The following SLC45A4 variants were observed in gnomAD, a reference collection of about 807,000 sequenced individuals.
SLC45A4 encodes the protein solute carrier family 45 member 4, also known as polyamine-transporter SLC45A4.
In SLC45A4, 32 loss-of-function variants were observed where a neutral mutation model predicts 63.7. The ratio of observed to expected loss-of-function variants is 0.50; its 90% CI spans 0.38 to 0.67. The LOEUF (loss-of-function observed/expected upper bound fraction) is 0.67, where lower values mean the gene tolerates loss of function less well. SLC45A4 is among the 30% of genes least tolerant of loss of function. The pLI, the probability that SLC45A4 is intolerant of heterozygous loss-of-function variation, is 0.00. For synonymous variants in SLC45A4, 535 were observed against 510.0 expected (o/e 1.05, Z -0.66); for missense variants, 1,027 against 1,157.7 (o/e 0.89, Z 1.64).
At position 141,244,726 on chromosome 8, in the gene SLC45A4, G is replaced by A. The variant is rs184593945; in HGVS notation, c.241+9263C>T. On this transcript the variant is annotated intron_variant, in intron 2 of 8. Transcript: ENST00000517878. ...TCAAATCCAAGATGCCACCATTTTC[G>A]AAAGCACTGCTCTCTCAAACATACT... is the stretch of plus-strand genomic sequence containing the variant. Among the ~76,000 whole-genome samples the A allele has an allele frequency of 2.0e-3, 310 of 152,222 alleles. 1 individual carries two copies. The highest frequency in any genetic ancestry group is 3.6e-3 in the Non-Finnish European group (242 of 67,996).
At position 141,212,550 on chromosome 8, in the gene SLC45A4, G is replaced by A. The variant is rs1197534374; in HGVS notation, c.1948C>T (p.His650Tyr). Residue 650 changes from histidine (H) to tyrosine (Y), a missense_variant, in exon 8 of 9, where the codon CAC becomes TAC. Coordinates refer to ENST00000517878, the MANE Select transcript of SLC45A4 (RefSeq NM_001286646.2). ...GQYHDIKQYI[H>Y]HSPGNSKRGF... ...CGCTTGGAGTTCCCGGGGCTGTGGT[G>A]GATGTACTGCAAGAGAGGAAACACG... 2 of 1,602,864 alleles carry A rather than the reference G, an allele frequency of 1.2e-6. No individual in the cohort carries two copies. The highest frequency in any genetic ancestry group is 1.7e-4 in the Middle Eastern group (1 of 6,048).
chr8:141,306,573 T>C (rs189632514), intron 1 of SLC45A4, among the ~76,000 whole-genome samples: 1 of 152,334 alleles, frequency 6.6e-6, no homozygotes, highest in Non-Finnish European at 1.5e-5. Flanking sequence ...TTAAGGACAG[T>C]GTGTGTTACC....
chr8:141,266,363 C>T (rs539161368), intron 1 of SLC45A4, among the ~76,000 whole-genome samples: 23 of 152,306 alleles, frequency 1.5e-4, no homozygotes, highest in African/African-American at 5.1e-4. Flanking sequence ...CACCCACCAC[C>T]CAGAAACAGG....
In SLC45A4 at chr8:141,208,134, G is replaced by A. The variant is rs1172630711; in HGVS notation, c.*3438C>T. 1.3e-5 allele frequency: 2 copies of A among 152,268 alleles called. No homozygotes were observed. The highest frequency in any genetic ancestry group is 2.4e-5 in the African/African-American group (1 of 41,458). 9.4% of individuals were successfully genotyped at this position (152,268 alleles called of 1,614,324 possible). ...TAAGAAGCGAAACAGCGTGGGAAAAGGTGTCCATCTTTTCTGAAGCCGGTT... is the reference window on the plus strand; with the variant it reads ...TAAGAAGCGAAACAGCGTGGGAAAAAGTGTCCATCTTTTCTGAAGCCGGTT... On this transcript the variant is annotated 3_prime_UTR_variant, in exon 9 of 9. Coordinates refer to ENST00000517878, the MANE Select transcript of SLC45A4 (RefSeq NM_001286646.2).
intron 1 of SLC45A4, among the ~76,000 whole-genome samples, chr8:141,301,271 G>A (rs983743824): frequency 7.9e-5 from 12 of 152,060 alleles, no homozygotes; most frequent in East Asian, 1.9e-4. Context: ...ACCTCCTTCC[G>A]GTGTATTTTG....
chr8:141,227,990 T>C lies in SLC45A4; in HGVS notation c.242-6225A>G, dbSNP rs967301422. Among the ~76,000 whole-genome samples, 8 of 152,120 alleles carry C rather than the reference T, an allele frequency of 5.3e-5. No individual in the cohort carries two copies. Among genetic ancestry groups the C allele is most frequent in the African/African-American group, 1.9e-4 (8 of 41,416 alleles). On this transcript the variant is annotated intron_variant, in intron 2 of 8. Transcript: ENST00000517878. This position sits in a 1 kb window ranked among gnomAD's most constrained non-coding sequence, Gnocchi z 4.4. ...AATAAGTTCCCGGGCTTTGGCCTTT[T>C]GTAGGAGAGGAGGAATTGAAACTTG...
intron 2 of SLC45A4, among the ~76,000 whole-genome samples, chr8:141,244,968 G>GGGGGGGGGGGGGGGGGGGGGGC (rs1569558620): frequency 8.3e-5 from 6 of 71,926 alleles, no homozygotes; most frequent in Admixed American, 1.3e-4. Context: ...GGGGGGGGGG[G>GGGGGGGGGGGGGGGGGGGGGGC]GCGGTGTGGA....
chr8:141,214,349 G>A (rs1445196703), intron 7 of SLC45A4, among the ~76,000 whole-genome samples: 1 of 152,178 alleles, frequency 6.6e-6, no homozygotes, highest in East Asian at 1.9e-4. Context: ...GAAGGATCAG[G>A]AAGGAGAAAA....
chr8:141,241,020 C>T (rs562127154), intron 2 of SLC45A4, among the ~76,000 whole-genome samples: 40 of 152,364 alleles, frequency 2.6e-4, no homozygotes, highest in Non-Finnish European at 3.5e-4. Context: ...CCGCTCTCCC[C>T]GCTTTGGGGC....
In SLC45A4 at chr8:141,211,355, G is replaced by A. The variant is rs1299669308; in HGVS notation, c.*217C>T. 8 of 1,423,326 alleles carry A rather than the reference G, an allele frequency of 5.6e-6. No homozygotes were observed. The highest frequency in any genetic ancestry group is 2.9e-5 in the African/African-American group (2 of 69,556). The allele number at this position is 1,423,326 out of a possible 1,614,324, so 88.2% of individuals were successfully genotyped here. ...GGCGCAGACACACTCACACGCGCAC[G>A]CAGGAGCTCGTCTGGAGCTCACGCT... On this transcript the variant is annotated 3_prime_UTR_variant, in exon 9 of 9. Transcript: ENST00000517878.
At chr8:141,230,115 G>T (rs570925097) in intron 2 of SLC45A4, 287 of 456,286 alleles carry the variant, frequency 6.3e-4, no homozygotes, top group Middle Eastern at 2.3e-3. Flanking sequence ...GGCCGCATTA[G>T]ACTATTTTCC....
chr8:141,226,393 GC>G (rs1325408163), intron 2 of SLC45A4: 1 of 152,228 alleles, frequency 6.6e-6, no homozygotes, highest in Non-Finnish European at 1.5e-5. Flanking sequence ...AAGGTGCCCT[GC>G]CCCACGTGCT....
intron 2 of SLC45A4, among the ~76,000 whole-genome samples, chr8:141,238,825 C>T (rs758161479): frequency 1.3e-4 from 20 of 152,196 alleles, no homozygotes; most frequent in Non-Finnish European, 2.5e-4. Context: ...GGGGCCGGCG[C>T]GGGGCAGAGC....
intron 2 of SLC45A4, among the ~76,000 whole-genome samples, chr8:141,251,136 A>G (rs1171290776): frequency 1.3e-5 from 2 of 152,166 alleles, no homozygotes; most frequent in Non-Finnish European, 2.9e-5. Flanking sequence ...ATGGTGCCCA[A>G]TTGGTAATTC....
intron 1 of SLC45A4, among the ~76,000 whole-genome samples, chr8:141,261,138 C>T (rs1829024782): frequency 6.6e-6 from 1 of 152,184 alleles, no homozygotes; most frequent in South Asian, 2.1e-4. Flanking sequence ...ATGATTATCT[C>T]AATAGACGCA....
intron 1 of SLC45A4, among the ~76,000 whole-genome samples, chr8:141,302,245 T>C (rs1282948022): frequency 6.6e-6 from 1 of 152,190 alleles, no homozygotes; most frequent in Non-Finnish European, 1.5e-5. Context: ...AATGTGTCTA[T>C]AGTTTTTCAA....
At chr8:141,216,004 G>A (rs757415020) in intron 6 of SLC45A4, 34 bp from the exon 7 acceptor site, 1 of 1,589,030 alleles carries the variant, frequency 6.3e-7, no homozygotes, top group Non-Finnish European at 8.6e-7. Context: ...AGGACAGTGG[G>A]CAGGCGGCTG....
In SLC45A4 at chr8:141,210,787, C is replaced by CT. The variant is rs1384207969; in HGVS notation, c.*784dup. On this transcript the variant is annotated 3_prime_UTR_variant, in exon 9 of 9. Transcript: ENST00000517878. ...AAAAGTATTAATTACAATTGTCTGA[C>CT]TTTATCTGTGTGATGTGCGGGGCCT... 6 of 152,198 alleles carry CT rather than the reference C, an allele frequency of 3.9e-5. No individual in the cohort carries two copies. Among genetic ancestry groups the CT allele is most frequent in the African/African-American group, 1.4e-4 (6 of 41,448 alleles). 9.4% of individuals were successfully genotyped at this position (152,198 alleles called of 1,614,324 possible). A position where few individuals can be genotyped will look rare whatever the true frequency, so the allele number is the denominator to read the frequency against.
Position 141,211,262 on chromosome 8 carries a change from C to G in SLC45A4, c.*310G>C, listed in dbSNP as rs3739241. On this transcript the variant is annotated 3_prime_UTR_variant, in exon 9 of 9. Transcript: ENST00000517878. The stretch of plus-strand genomic sequence containing the variant: ...GTTTCCTTCCCCCTGACGTTGGGAG[C>G]GGTCTGGAGGGGCAACCTGGCCTCC... 0.62 allele frequency: 305,396 copies of G among 494,756 alleles called. 96,125 individuals carry two copies. Among genetic ancestry groups the G allele is most frequent in the East Asian group, 0.81 (23,259 of 28,734 alleles). 30.6% of individuals were successfully genotyped at this position (494,756 alleles called of 1,614,324 possible).
Sources: allele counts gnomAD v4.1 joint callset (sites outside exome capture counted in the v4.1 genomes callset), GRCh38; gene constraint gnomAD v4.1.1; non-coding constraint Gnocchi (gnomAD v3.1); transcripts MANE v1.5; gene names NCBI Gene and HGNC (gene_info 2026-07-23, HGNC 2026-07-21).